SLC60A1: variants seen among roughly 807,000 people sequenced by gnomAD.
SLC60A1 encodes major facilitator superfamily domain containing 4.
At chr1:205,586,825 T>C in the SLC60A1 span, among the ~76,000 whole-genome samples, 1 of 152,116 alleles carries the variant, frequency 6.6e-6, no homozygotes, top group South Asian at 2.1e-4. Flanking sequence ...GCCTCCCAAG[T>C]AACTGGGATG....
chr1:205,583,460 C>T, the SLC60A1 span, among the ~76,000 whole-genome samples: 1 of 152,332 alleles, frequency 6.6e-6, no homozygotes, highest in Non-Finnish European at 1.5e-5. Flanking sequence ...CCCAAGTCCA[C>T]TGTGTGACCA....
chr1:205,585,171 A>T, the SLC60A1 span, among the ~76,000 whole-genome samples: 15 of 152,294 alleles, frequency 9.8e-5, no homozygotes, highest in African/African-American at 3.6e-4. This position sits in a 1 kb window ranked among gnomAD's most constrained non-coding sequence, Gnocchi z 4.2. Flanking sequence ...CAGTCACAGC[A>T]CGTTGGTACT....
chr1:205,581,890 G>A, the SLC60A1 span, among the ~76,000 whole-genome samples: 3 of 152,224 alleles, frequency 2.0e-5, no homozygotes, highest in Non-Finnish European at 4.4e-5. The surrounding 1 kb of genome is among the most constrained non-coding windows in gnomAD (Gnocchi z 4.2). Flanking sequence ...AGCAGGGCAA[G>A]GGTGGGGGTG....
chr1:205,570,319 C>T, the SLC60A1 span, among the ~76,000 whole-genome samples: 1 of 152,228 alleles, frequency 6.6e-6, no homozygotes, highest in Non-Finnish European at 1.5e-5. Flanking sequence ...TCCCCAGTCC[C>T]AGCTCCTGGC....
the SLC60A1 span, chr1:205,601,330 G>A: frequency 6.6e-6 from 1 of 152,152 alleles, no homozygotes; most frequent in Non-Finnish European, 1.5e-5. Context: ...GTGATAGCAT[G>A]TTGGTAGCTT....
the SLC60A1 span, among the ~76,000 whole-genome samples, chr1:205,574,319 C>T: frequency 1.3e-5 from 2 of 151,818 alleles, no homozygotes; most frequent in Admixed American, 1.3e-4. Context: ...GTGGTGCACA[C>T]CTATAGTCCC....
chr1:205,591,518 A>G, the SLC60A1 span, among the ~76,000 whole-genome samples: 3 of 149,544 alleles, frequency 2.0e-5, no homozygotes, highest in Non-Finnish European at 3.0e-5. Context: ...GAAAAGAAAG[A>G]TTTCTGGGTC....
chr1:205,589,283 C>T, the SLC60A1 span, among the ~76,000 whole-genome samples: 1 of 152,008 alleles, frequency 6.6e-6, no homozygotes, highest in African/African-American at 2.4e-5. Flanking sequence ...GTTCAAAGGC[C>T]CGTGTTCAAA....
At chr1:205,584,119 C>A in the SLC60A1 span, 1 of 1,613,334 alleles carries the variant, frequency 6.2e-7, no homozygotes, top group South Asian at 1.1e-5. Flanking sequence ...TTCAGTCACA[C>A]CTAGGTAGGG....
the SLC60A1 span, chr1:205,592,309 G>C: frequency 6.3e-7 from 1 of 1,599,260 alleles, no homozygotes; most frequent in African/African-American, 1.3e-5. Context: ...GCCCGAGCCA[G>C]GAGGCGCGCT....
the SLC60A1 span, chr1:205,586,046 GC>G: frequency 6.3e-7 from 1 of 1,599,106 alleles, no homozygotes; most frequent in Non-Finnish European, 8.5e-7. Context: ...TGCCTATTCC[GC>G]CTTCGTGTAC....
At chr1:205,593,427 C>T in the SLC60A1 span, among the ~76,000 whole-genome samples, 1 of 52,686 alleles carries the variant, frequency 1.9e-5, no homozygotes, top group Non-Finnish European at 3.9e-5. Context: ...GCACTCCAGC[C>T]TGGGCGACAG....
At chr1:205,579,929 G>T in the SLC60A1 span, 1 of 1,613,514 alleles carries the variant, frequency 6.2e-7, no homozygotes, top group East Asian at 2.2e-5. Context: ...GTACCAGAAG[G>T]ACTCGGCCGT....
chr1:205,570,593 C>T, the SLC60A1 span, among the ~76,000 whole-genome samples: 1,009 of 152,340 alleles, frequency 6.6e-3, 9 homozygotes, highest in Non-Finnish European at 9.6e-3. Flanking sequence ...AAGCGATTAT[C>T]CCCATTTTCC....
chr1:205,570,306 A>G, the SLC60A1 span, among the ~76,000 whole-genome samples: 2 of 152,280 alleles, frequency 1.3e-5, no homozygotes, highest in East Asian at 1.9e-4. Context: ...CTGCTGCTTG[A>G]TTTCCCCAGT....
chr1:205,591,963 G>A, the SLC60A1 span: 4 of 755,844 alleles, frequency 5.3e-6, no homozygotes, highest in East Asian at 1.1e-4. Flanking sequence ...ATGTCAGAAC[G>A]GTCCCCGGAA....
the SLC60A1 span, among the ~76,000 whole-genome samples, chr1:205,580,256 C>A: frequency 5.9e-5 from 9 of 152,270 alleles, no homozygotes; most frequent in Non-Finnish European, 1.2e-4. This position sits in a 1 kb window ranked among gnomAD's most constrained non-coding sequence, Gnocchi z 5.0. Flanking sequence ...TTTCTCCCCC[C>A]GGGATTCAGC....
the SLC60A1 span, chr1:205,569,211 AG>A: frequency 1.3e-6 from 2 of 1,558,546 alleles, no homozygotes; most frequent in Non-Finnish European, 1.7e-6. Context: ...TCAGACGCAC[AG>A]CTCGCTGCCC....
At chr1:205,597,199 G>C in the SLC60A1 span, among the ~76,000 whole-genome samples, 1 of 152,196 alleles carries the variant, frequency 6.6e-6, no homozygotes, top group African/African-American at 2.4e-5. Flanking sequence ...AAGCAAGATG[G>C]GATTTACCCT....
Sources: gnomAD v4.1 joint callset for allele counts (sites outside exome capture counted in the v4.1 genomes callset) on GRCh38, gnomAD v4.1.1 for gene constraint, Gnocchi (gnomAD v3.1) non-coding constraint, MANE v1.5 for transcripts, NCBI Gene and HGNC (gene_info 2026-07-23, HGNC 2026-07-21) for gene names.